PSMB10: variants seen among roughly 807,000 people sequenced by gnomAD.
PSMB10 encodes proteasome subunit beta type-10.
Under a neutral mutation model 29.8 loss-of-function variants are expected in PSMB10, and 29 were observed. The ratio of observed to expected loss-of-function variants is 0.97; its 90% CI spans 0.73 to 1.33. PSMB10 has a LOEUF of 1.33. Among genes scored for constraint, PSMB10 ranks in the 40% most tolerant of loss-of-function variants. The pLI is 0.00. For missense variants in PSMB10, 327 were observed against 369.2 expected (o/e 0.89, Z 0.94); for synonymous variants, 157 against 164.7 (o/e 0.95, Z 0.36).
chr16:67,935,544 A>C (rs749666370), intron 5 of PSMB10, 38 bp downstream of exon 5: 1 of 1,613,732 alleles, frequency 6.2e-7, no homozygotes, highest in Admixed American at 1.7e-5. Flanking sequence ...CCAAGGTCAC[A>C]GGGGCAGAGT....
intron 6 of PSMB10, chr16:67,935,162 G>A (rs1047567496): frequency 1.4e-6 from 1 of 708,614 alleles, no homozygotes; most frequent in South Asian, 1.9e-5. Context: ...ATATAAGTAG[G>A]ACCCTACTGG....
chr16:67,934,664 G>T lies in PSMB10; in HGVS notation c.718C>A (p.Arg240Ser), dbSNP rs376894401. The T allele has an allele frequency of 6.2e-7, 1 of 1,613,928 alleles. No individual in the cohort carries two copies. The highest frequency in any genetic ancestry group is 8.5e-7 in the Non-Finnish European group (1 of 1,179,966). Residue 240 changes from arginine to serine, a missense_variant, in exon 8 of 8, where the codon CGC becomes AGC. By Grantham distance (110) the Arg-to-Ser change is moderately radical (BLOSUM62 -1). Coordinates refer to ENST00000358514, the MANE Select transcript of PSMB10 (RefSeq NM_002801.4). This position sits in a 1 kb window ranked among gnomAD's most constrained non-coding sequence, Gnocchi z 4.3. Reference protein sequence around the residue: ...SPTEPVKRSGRYHFVPGTTAV... With the variant: ...SPTEPVKRSGSYHFVPGTTAV... Reference sequence around the variant, plus strand: ...GTGGTTCCAGGCACAAAGTGGTAGCGGCCAGACCTGGGAGGGAGGAGGGAC... The same window carrying T: ...GTGGTTCCAGGCACAAAGTGGTAGCTGCCAGACCTGGGAGGGAGGAGGGAC...
At position 67,934,751 on chromosome 16, in the gene PSMB10, G is replaced by C. The variant is rs745714982; in HGVS notation, c.710+46C>G. The C allele has an allele frequency of 1.2e-6, 2 of 1,610,610 alleles. No individual in the cohort carries two copies. Among genetic ancestry groups the C allele is most frequent in the East Asian group, 4.5e-5 (2 of 44,764 alleles). ...CTTTTTGCAGCCCCCTATCTCCCCT[G>C]CTATAGCCCCACACATCCCTGTGGT... On this transcript the variant is annotated intron_variant, in intron 7 of 7. Transcript: ENST00000358514. This position sits in a 1 kb window ranked among gnomAD's most constrained non-coding sequence, Gnocchi z 4.3.
chr16:67,936,088 T>TCCAGC lies in PSMB10; in HGVS notation c.253_257dup (p.Val87LeufsTer3). On this transcript the variant is annotated frameshift_variant, in exon 4 of 8. Coordinates refer to ENST00000358514, the MANE Select transcript of PSMB10 (RefSeq NM_002801.4). LOFTEE classifies it high-confidence loss of function. ...TGGTCATCTCGGCGTCCGCGGCTAC[T>TCCAGC]CCAGCCCCACAGCAGCTGAGGCAAA... The TCCAGC allele has an allele frequency of 6.2e-7, 1 of 1,609,924 alleles. No homozygotes were observed. The highest frequency in any genetic ancestry group is 8.5e-7 in the Non-Finnish European group (1 of 1,176,920).
rs769908499 is a variant in PSMB10 at position 67,935,900 on chromosome 16, C to T, written c.383+63G>A. ...CGGTCCCGCCCTTCTTTCTGTCCCG[C>T]CTTCCAATGGCCCCAACCCCGTAAC... On this transcript the variant is annotated intron_variant, in intron 4 of 7. Transcript: ENST00000358514. 7.6e-6 allele frequency: 12 copies of T among 1,569,512 alleles called. No individual in the cohort carries two copies. In the African/African-American group the frequency reaches 1.4e-4, roughly 18 times the overall value.
Position 67,935,921 on chromosome 16 carries a change from G to GT in PSMB10, c.383+41dup, listed in dbSNP as rs755525249. 21 of 1,587,732 alleles carry GT rather than the reference G, an allele frequency of 1.3e-5. 2 individuals are homozygous for GT. The East Asian group carries it at 4.5e-4, about 34-fold the overall frequency. On this transcript the variant is annotated intron_variant, in intron 4 of 7. Transcript: ENST00000358514. ...CCCGCCTTCCAATGGCCCCAACCCCGTAACTACCCCTGCCGGGGTCCTGTT... is the reference window on the plus strand; with the variant it reads ...CCCGCCTTCCAATGGCCCCAACCCCGTTAACTACCCCTGCCGGGGTCCTGTT...
At chr16:67,935,293 C>T in intron 6 of PSMB10, 127 bp downstream of exon 6, 1 of 1,161,092 alleles carries the variant, frequency 8.6e-7, no homozygotes, top group Non-Finnish European at 1.2e-6. Flanking sequence ...TTACTCCACT[C>T]ACCCTTCAGT....
At position 67,934,825 on chromosome 16, in the gene PSMB10, G is replaced by T. The variant is rs752840220; in HGVS notation, c.682C>A (p.Leu228Met). The change falls in exon 7 of 8, where the codon CTG becomes ATG. Residue 228 changes from leucine (L) to methionine (M), a missense_variant. Leu to Met is a conservative substitution (Grantham distance 15). Transcript: ENST00000358514. The surrounding 1 kb of genome is among the most constrained non-coding windows in gnomAD (Gnocchi z 4.3). ...TKTGAKLLRT[L>M]SSPTEPVKRS... ...TTCACGGGCTCTGTGGGTGAGCTCA[G>T]TGTCCGCAGCAGCTTGGCGCCAGTC... The T allele has an allele frequency of 3.1e-6, 5 of 1,613,986 alleles. No homozygotes were observed. Among genetic ancestry groups the T allele is most frequent in the Admixed American group, 3.3e-5 (2 of 60,004 alleles).
intron 6 of PSMB10, 101 bp from the exon 7 acceptor site, chr16:67,935,049 C>T: frequency 6.9e-7 from 1 of 1,445,862 alleles, no homozygotes; most frequent in East Asian, 2.3e-5. Context: ...TGGTCTTGCC[C>T]TCCAAACCCC....
chr16:67,936,580 T>TA, intron 1 of PSMB10, 95 bp from the exon 2 acceptor site: 1 of 1,457,694 alleles, frequency 6.9e-7, no homozygotes, highest in Non-Finnish European at 9.3e-7. Flanking sequence ...TCTTCCGGGG[T>TA]AAGCCTGGAA....
rs1354275915 is a variant in PSMB10 at position 67,935,230 on chromosome 16, C to T, written c.558+190G>A. 98 of 755,296 alleles carry T rather than the reference C, an allele frequency of 1.3e-4. 3 individuals carry two copies. In the South Asian group the frequency reaches 1.6e-3, roughly 13 times the overall value. 46.8% of individuals were successfully genotyped at this position (755,296 alleles called of 1,614,324 possible). ...TCTGTGAGCTTCGACTTCTCCCAGC[C>T]GTGCAGGCTTTGGTATTGGACGGTG... On this transcript the variant is annotated intron_variant, in intron 6 of 7. Coordinates refer to ENST00000358514, the MANE Select transcript of PSMB10 (RefSeq NM_002801.4).
intron 1 of PSMB10, 99 bp from the exon 2 acceptor site, chr16:67,936,584 C>T: frequency 6.9e-7 from 1 of 1,458,148 alleles, no homozygotes; most frequent in African/African-American, 1.4e-5. Context: ...CCGGGGTAAG[C>T]CTGGAACCCA....
chr16:67,936,569 A>T, intron 1 of PSMB10, 84 bp from the exon 2 acceptor site: 1 of 1,459,520 alleles, frequency 6.9e-7, no homozygotes, highest in South Asian at 1.3e-5. Flanking sequence ...CGTCTCCCTC[A>T]TCTTCCGGGG....
In PSMB10 at chr16:67,935,495, C is replaced by T; in HGVS notation, c.500-17G>A. ...GACCAGAGCCTGAAGGCAGGAGAAG[C>T]ATCTGAAGTCAACCGCTGCGACGCC... On this transcript the variant is annotated splice_polypyrimidine_tract_variant and intron_variant, in intron 5 of 7. Transcript: ENST00000358514. 1 of 1,614,070 alleles carries T rather than the reference C, an allele frequency of 6.2e-7. No homozygotes were observed. The highest frequency in any genetic ancestry group is 1.3e-5 in the African/African-American group (1 of 75,058).
At position 67,934,775 on chromosome 16, in the gene PSMB10, G is replaced by GT; in HGVS notation, c.710+21dup. On this transcript the variant is annotated intron_variant, in intron 7 of 7. Coordinates refer to ENST00000358514, the MANE Select transcript of PSMB10 (RefSeq NM_002801.4). This position sits in a 1 kb window ranked among gnomAD's most constrained non-coding sequence, Gnocchi z 4.3. ...TGCTATAGCCCCACACATCCCTGTG[G>GT]TCCCCGATCTCCAGCTCTCACCTCT... is the stretch of plus-strand genomic sequence containing the variant. 1 of 1,612,042 alleles carries GT rather than the reference G, an allele frequency of 6.2e-7. No homozygotes were observed. The highest frequency in any genetic ancestry group is 8.5e-7 in the Non-Finnish European group (1 of 1,178,384).
chr16:67,936,839 G>A lies in PSMB10; in HGVS notation c.-90C>T. ...TGAGCAGCTAAAAAGTCCTCTGCTA[G>A]GCTTCACGTCTGTACTTCCTGCTTT... On this transcript the variant is annotated 5_prime_UTR_variant, in exon 1 of 8. Coordinates refer to ENST00000358514, the MANE Select transcript of PSMB10 (RefSeq NM_002801.4). The A allele has an allele frequency of 1.8e-6, 2 of 1,110,132 alleles. No individual in the cohort carries two copies. Among genetic ancestry groups the A allele is most frequent in the Non-Finnish European group, 2.6e-6 (2 of 764,030 alleles). The allele number at this position is 1,110,132 out of a possible 1,614,324, so 68.8% of individuals were successfully genotyped here.
In PSMB10 at chr16:67,936,704, T is replaced by C. The variant is rs1429512215; in HGVS notation, c.46A>G (p.Asn16Asp). 1 of 1,556,048 alleles carries C rather than the reference T, an allele frequency of 6.4e-7. No individual in the cohort carries two copies. The highest frequency in any genetic ancestry group is 1.9e-5 in the Admixed American group (1 of 51,700). The change falls in exon 1 of 8, where the codon AAC becomes GAC. Residue 16 changes from asparagine to aspartate, a missense_variant. Asn to Asp is a conservative substitution (Grantham distance 23). Coordinates refer to ENST00000358514, the MANE Select transcript of PSMB10 (RefSeq NM_002801.4). ...LEPRGGFSFE[N>D]CQRNASLERV... ...GCGCCCCCGCTTCACCTTTGGCAGTTCTCGAAGGAGAAGCCCCCTCGGGGC... is the reference window on the plus strand; with the variant it reads ...GCGCCCCCGCTTCACCTTTGGCAGTCCTCGAAGGAGAAGCCCCCTCGGGGC...
At chr16:67,935,231 G>A in intron 6 of PSMB10, 189 bp downstream of exon 6, 1 of 759,890 alleles carries the variant, frequency 1.3e-6, no homozygotes, top group South Asian at 1.8e-5. Context: ...TCTCCCAGCC[G>A]TGCAGGCTTT....
chr16:67,936,717 G>C lies in PSMB10; in HGVS notation c.33C>G (p.Gly11=). The C allele has an allele frequency of 6.4e-7, 1 of 1,556,766 alleles. No homozygotes were observed. The change falls in exon 1 of 8, where the codon GGC becomes GGG. Residue 11 remains glycine (G), a synonymous_variant. Transcript: ENST00000358514. ...ACCTTTGGCAGTTCTCGAAGGAGAAGCCCCCTCGGGGCTCCAGGGCTGGCT... is the reference window on the plus strand; with the variant it reads ...ACCTTTGGCAGTTCTCGAAGGAGAACCCCCCTCGGGGCTCCAGGGCTGGCT... MLKPALEPRG[G]FSFENCQRNA... is the part of the protein sequence containing the mutation.
Sources: allele counts gnomAD v4.1 joint callset, GRCh38; gene constraint gnomAD v4.1.1; non-coding constraint Gnocchi (gnomAD v3.1); transcripts MANE v1.5; gene names NCBI Gene and HGNC (gene_info 2026-07-23, HGNC 2026-07-21).